The following THUMPD3 variants were observed in gnomAD, a reference collection of about 807,000 sequenced individuals.
THUMPD3 encodes THUMP domain 3 tRNA guanosine methyltransferase.
In THUMPD3, 44 loss-of-function variants were observed where a neutral mutation model predicts 54.5. The ratio of observed to expected loss-of-function variants is 0.81; its 90% CI spans 0.63 to 1.04. THUMPD3 has a LOEUF of 1.04. Among genes scored for constraint, THUMPD3 ranks in the 50% least tolerant of loss-of-function variants. The pLI is 0.00. For missense variants in THUMPD3, 604 were observed against 601.3 expected (o/e 1.00, Z -0.05); for synonymous variants, 196 against 201.4 (o/e 0.97, Z 0.23).
intron 4 of THUMPD3, among the ~76,000 whole-genome samples, chr3:9,374,281 GT>G (rs1271631827): frequency 6.6e-6 from 1 of 152,112 alleles, no homozygotes; most frequent in Non-Finnish European, 1.5e-5. Context: ...AGGCTTAGAG[GT>G]TTTTTAATAT....
rs976800390 is a variant in THUMPD3, at chr3:9,365,245, A to G, written c.177A>G (p.Lys59=). ...EQTAADEVRE[K]LGSSCKISRD... The stretch of plus-strand genomic sequence containing the variant: ...CAGCTGCAGATGAAGTCAGAGAGAA[A>G]CTTGGGTCATCATGCAAAATCAGCA... The change falls in exon 2 of 10, where the codon AAA becomes AAG. Residue 59 remains lysine (K), a synonymous_variant. Transcript: ENST00000452837. The G allele has an allele frequency of 6.2e-7, 1 of 1,614,236 alleles. No homozygotes were observed. Among genetic ancestry groups the G allele is most frequent in the Non-Finnish European group, 8.5e-7 (1 of 1,180,048 alleles).
intron 7 of THUMPD3, among the ~76,000 whole-genome samples, chr3:9,382,200 G>A (rs1333699543): frequency 6.6e-6 from 1 of 152,038 alleles, no homozygotes; most frequent in Non-Finnish European, 1.5e-5. Flanking sequence ...TAAAAATTAT[G>A]TAATGATTGC....
At chr3:9,381,401 G>A (rs1378662922) in intron 7 of THUMPD3, among the ~76,000 whole-genome samples, 1 of 152,160 alleles carries the variant, frequency 6.6e-6, no homozygotes, top group South Asian at 2.1e-4. Context: ...AATCACCTAG[G>A]AGTACTGTTA....
chr3:9,382,373 T>C (rs1484204680), intron 7 of THUMPD3, among the ~76,000 whole-genome samples: 1 of 152,212 alleles, frequency 6.6e-6, no homozygotes, highest in Non-Finnish European at 1.5e-5. Flanking sequence ...TTTGTATTTA[T>C]TATTATTCAT....
At position 9,377,799 on chromosome 3, in the gene THUMPD3, G is replaced by A. The variant is rs1301786705; in HGVS notation, c.939-20G>A. On this transcript the variant is annotated intron_variant, in intron 5 of 9. Transcript: ENST00000452837. ...CAGCTTTTGAGTGAGTCTTCACATA[G>A]GCTGTTTTCTTTTCTCTAGGCTCTG... is the stretch of plus-strand genomic sequence containing the variant. 1 of 1,607,520 alleles carries A rather than the reference G, an allele frequency of 6.2e-7. No individual in the cohort carries two copies. The highest frequency in any genetic ancestry group is 1.7e-5 in the Admixed American group (1 of 59,944).
chr3:9,378,826 T>C (rs1440156977), intron 6 of THUMPD3, among the ~76,000 whole-genome samples: 1 of 152,334 alleles, frequency 6.6e-6, no homozygotes, highest in Admixed American at 6.5e-5. Flanking sequence ...ACCCAGTCCT[T>C]CTTGTGGCCA....
rs61751573 is a variant in THUMPD3 at position 9,384,646 on chromosome 3, A to G, written c.1482A>G (p.Glu494=). 82,780 of 1,614,138 alleles carry G rather than the reference A, an allele frequency of 0.051. 2,402 individuals carry two copies. Among genetic ancestry groups the G allele is most frequent in the Non-Finnish European group, 0.058 (68,811 of 1,179,998 alleles). ...RTPQAFVHPS[E]QDGERGTLWQ... is the part of the protein sequence containing the mutation. ...CTCAAGCTTTTGTTCATCCTTCAGA[A>G]CAAGACGGAGAAAGAGGAACTCTTT... Residue 494 remains glutamate, a synonymous_variant, in exon 10 of 10, where the codon GAA becomes GAG. Transcript: ENST00000452837.
Position 9,386,789 on chromosome 3 carries a change from G to A in THUMPD3, c.*2101G>A, listed in dbSNP as rs1436703894. On this transcript the variant is annotated 3_prime_UTR_variant, in exon 10 of 10. Coordinates refer to ENST00000452837, the MANE Select transcript of THUMPD3 (RefSeq NM_001114092.2). ...GAAATAAATCTGTAATCTGAACATG[G>A]AATGACTTAGTTACAGACCAGACAT... 1 of 152,152 alleles carries A rather than the reference G, an allele frequency of 6.6e-6. No individual in the cohort carries two copies. Among genetic ancestry groups the A allele is most frequent in the Admixed American group, 6.5e-5 (1 of 15,272 alleles). 9.4% of individuals were successfully genotyped at this position (152,152 alleles called of 1,614,324 possible).
At chr3:9,384,067 CAT>C (rs2033139790) in intron 8 of THUMPD3, 143 bp from the exon 9 acceptor site, 3 of 1,029,182 alleles carry the variant, frequency 2.9e-6, no homozygotes, top group East Asian at 2.4e-5. Context: ...CAACTTATTT[CAT>C]AGACATGTAA....
In THUMPD3 at chr3:9,384,515, T is replaced by C. The variant is rs374972985; in HGVS notation, c.1360-9T>C. On this transcript the variant is annotated splice_polypyrimidine_tract_variant and intron_variant, in intron 9 of 9. Transcript: ENST00000452837. ...CAACCTAATTGTTATTTTTTTTGTGTGTACACAGGCGTTATCTGGAATGCG... is the reference window on the plus strand; with the variant it reads ...CAACCTAATTGTTATTTTTTTTGTGCGTACACAGGCGTTATCTGGAATGCG... 5.0e-6 allele frequency: 8 copies of C among 1,613,804 alleles called. No individual in the cohort carries two copies. In the African/African-American group the frequency reaches 6.7e-5, roughly 13 times the overall value.
chr3:9,371,803 T>C (rs1327730430), intron 4 of THUMPD3, among the ~76,000 whole-genome samples: 9 of 152,246 alleles, frequency 5.9e-5, no homozygotes. Context: ...ATGAGGTACA[T>C]TTAAAATATT....
intron 1 of THUMPD3, 79 bp from the exon 2 acceptor site, chr3:9,364,936 GC>G: frequency 1.6e-6 from 2 of 1,216,114 alleles, no homozygotes; most frequent in South Asian, 3.2e-5. Flanking sequence ...TGTTCTTCCT[GC>G]CCTCCAGAGC....
chr3:9,371,550 C>CTT lies in THUMPD3; in HGVS notation c.807+15_807+16insTT, dbSNP rs755684150. The CTT allele has an allele frequency of 6.3e-7, 1 of 1,578,254 alleles. No individual in the cohort carries two copies. Among genetic ancestry groups the CTT allele is most frequent in the Non-Finnish European group, 8.6e-7 (1 of 1,158,348 alleles). ...TTTGATGTGGAGGTAGGTATAGGCT[C>CTT]TGACTGTGGTGATTGAAGAATGCTG... On this transcript the variant is annotated intron_variant, in intron 4 of 9. Transcript: ENST00000452837.
rs747616974 is a variant in THUMPD3 at position 9,371,168 on chromosome 3, A to C, written c.439A>C (p.Lys147Gln). The change falls in exon 4 of 10, where the codon AAA (lysine) becomes CAA (glutamine). Residue 147 changes from lysine (K) to glutamine (Q), a missense_variant. Lys to Gln is a moderately conservative substitution (Grantham distance 53, BLOSUM62 1). Coordinates refer to ENST00000452837, the MANE Select transcript of THUMPD3 (RefSeq NM_001114092.2). ...TTTTAAAAAGAAAAAAGCAAAGCGC[A>C]AAAAGATAAATCAGAATTCAAGTAA... is the stretch of plus-strand genomic sequence containing the variant. ...ASFKKKKAKR[K>Q]KINQNSSKEK... 6.2e-7 allele frequency: 1 copy of C among 1,612,372 alleles called. No individual in the cohort carries two copies. Among genetic ancestry groups the C allele is most frequent in the Admixed American group, 1.7e-5 (1 of 59,694 alleles).
rs754216864 is a variant in THUMPD3 at position 9,383,213 on chromosome 3, G to T, written c.1139G>T (p.Gly380Val). Residue 380 changes from glycine to valine, a missense_variant, in exon 8 of 10, where the codon GGC (glycine) becomes GTC (valine). Gly to Val is a moderately radical substitution (Grantham distance 109, BLOSUM62 -3). Transcript: ENST00000452837. Reference sequence around the variant, plus strand: ...TGTCCCCACAGCAAACCCTCCTGGGGCTTGCCCATAGATGCTGTTCAGTGG... The same window carrying T: ...TGTCCCCACAGCAAACCCTCCTGGGTCTTGCCCATAGATGCTGTTCAGTGG... Reference protein sequence around the residue: ...SQIKEGKPSWGLPIDAVQWDI... With the variant: ...SQIKEGKPSWVLPIDAVQWDI... 1 of 1,613,684 alleles carries T rather than the reference G, an allele frequency of 6.2e-7. No homozygotes were observed. Among genetic ancestry groups the T allele is most frequent in the African/African-American group, 1.3e-5 (1 of 74,890 alleles).
intron 3 of THUMPD3, among the ~76,000 whole-genome samples, chr3:9,369,558 G>C (rs983156955): frequency 9.2e-4 from 140 of 152,240 alleles, no homozygotes; most frequent in African/African-American, 3.3e-3. Context: ...TTTAGGTTTT[G>C]GATTTTGGAC....
chr3:9,374,788 C>A, intron 5 of THUMPD3, 142 bp downstream of exon 5: 1 of 973,748 alleles, frequency 1.0e-6, no homozygotes. Context: ...AGCTAATGAT[C>A]TATTTCTTTC....
Position 9,380,547 on chromosome 3 carries a change from T to A in THUMPD3, c.1053T>A (p.Asn351Lys). The A allele has an allele frequency of 6.2e-7, 1 of 1,613,802 alleles. No individual in the cohort carries two copies. Among genetic ancestry groups the A allele is most frequent in the Non-Finnish European group, 8.5e-7 (1 of 1,179,824 alleles). ...WSDCFHIAGD[N>K]NPLAVNRAAN... ...ACTGTTTCCATATTGCTGGTGATAA[T>A]AATCCACTGGCTGTGAATAGAGCAG... The change falls in exon 7 of 10, where the codon AAT becomes AAA. Residue 351 changes from asparagine to lysine, a missense_variant. Asn to Lys is a moderately conservative substitution (Grantham distance 94). Transcript: ENST00000452837.
rs775851584 is a variant in THUMPD3, at chr3:9,385,071, C to T, written c.*383C>T. 2.4e-4 allele frequency: 44 copies of T among 179,964 alleles called. No individual in the cohort carries two copies. The highest frequency in any genetic ancestry group is 3.6e-4 in the Non-Finnish European group (30 of 83,326). The allele number at this position is 179,964 out of a possible 1,614,324, so 11.1% of individuals were successfully genotyped here. ...TAGAGAATCACTTGAACCCAGCAGG[C>T]GGAGGTTGCGGTGAGTCGAGATCAC... On this transcript the variant is annotated 3_prime_UTR_variant, in exon 10 of 10. Transcript: ENST00000452837.
Sources: allele counts gnomAD v4.1 joint callset (sites outside exome capture counted in the v4.1 genomes callset), GRCh38; gene constraint gnomAD v4.1.1; transcripts MANE v1.5; gene names NCBI Gene and HGNC (gene_info 2026-07-23, HGNC 2026-07-21).